Variants in PDLIM2 observed in about 807,000 individuals in gnomAD.
PDLIM2 encodes the protein PDZ and LIM domain 2, also known as PDZ and LIM domain protein 2.
In PDLIM2, 51 loss-of-function variants were observed where a neutral mutation model predicts 54.1. The ratio of observed to expected loss-of-function variants is 0.94; its 90% CI spans 0.75 to 1.19. The LOEUF (loss-of-function observed/expected upper bound fraction) is 1.19. Ranked by LOEUF, PDLIM2 falls within the 50% of genes most tolerant of loss-of-function variation. The pLI is 0.00. For synonymous variants in PDLIM2, 398 were observed against 385.6 expected, an observed-to-expected ratio of 1.03 and a Z score of -0.38; for missense variants, 912 against 874.0, an observed-to-expected ratio of 1.04 and a Z score of -0.55.
chr8:22,591,965 A>G (rs559807977), intron 9 of PDLIM2: 1 of 268,536 alleles, frequency 3.7e-6, no homozygotes, highest in Non-Finnish European at 6.9e-6. Flanking sequence ...GGTACAGCAC[A>G]TCCTCTTGGA....
chr8:22,583,876 A>T (rs973510902), intron 3 of PDLIM2, among the ~76,000 whole-genome samples: 2 of 141,396 alleles, frequency 1.4e-5, no homozygotes, highest in Non-Finnish European at 3.1e-5. Flanking sequence ...AAAAAAAAAA[A>T]AAAAAAAAGG....
downstream of PDLIM2, chr8:22,594,678 C>T (rs754297865): frequency 2.5e-6 from 4 of 1,596,034 alleles, no homozygotes; most frequent in African/African-American, 1.3e-5. Context: ...GGACCGGCCG[C>T]CCACCAAGGG....
chr8:22,579,106 G>C, exon 1 of PDLIM2: 2 of 1,272,792 alleles, frequency 1.6e-6, no homozygotes, highest in Non-Finnish European at 2.0e-6. Flanking sequence ...AGGCAGGTCC[G>C]GGAGCCCCGG....
At chr8:22,580,397 G>A (rs1049425027) in intron 1 of PDLIM2, 78 bp from the exon 1 acceptor site, 32 of 1,292,916 alleles carry the variant, frequency 2.5e-5, no homozygotes, top group Non-Finnish European at 3.1e-5. Flanking sequence ...GAACCCAGAA[G>A]CATGGCTTCC....
chr8:22,589,319 G>T, exon 7 of PDLIM2: 1 of 1,534,240 alleles, frequency 6.5e-7, no homozygotes. Flanking sequence ...CCGCGCTGGC[G>T]ACTCGGCGGT....
At chr8:22,594,774 G>A, downstream of PDLIM2, 4 of 1,414,988 alleles carry the variant, frequency 2.8e-6, no homozygotes, top group South Asian at 1.4e-5. Flanking sequence ...GATTGATTTG[G>A]AGGGGGGAAA....
chr8:22,587,053 G>A (rs959380665), intron 6 of PDLIM2, among the ~76,000 whole-genome samples: 1 of 152,174 alleles, frequency 6.6e-6, no homozygotes, highest in African/African-American at 2.4e-5. Context: ...TGATGACTCT[G>A]CTCATTCCTT....
exon 1 of PDLIM2, chr8:22,578,836 A>G: frequency 8.1e-7 from 1 of 1,234,316 alleles, no homozygotes; most frequent in Non-Finnish European, 1.0e-6. Context: ...TGCCCCCTCG[A>G]TCGTCTGCGA....
At chr8:22,597,844 G>C (rs1272612361), downstream of PDLIM2, 2 of 152,492 alleles carry the variant, frequency 1.3e-5, no homozygotes, top group African/African-American at 4.8e-5. Flanking sequence ...GTACTGTCTA[G>C]GAGGACTGGG....
At chr8:22,595,337 G>A (rs1292929621), downstream of PDLIM2, 1 of 152,226 alleles carries the variant, frequency 6.6e-6, no homozygotes, top group South Asian at 2.1e-4. Context: ...GCTGTCTGGC[G>A]CGGGACTCCA....
At chr8:22,588,181 T>C (rs1239504066) in intron 6 of PDLIM2, 1 of 152,328 alleles carries the variant, frequency 6.6e-6, no homozygotes, top group African/African-American at 2.4e-5. Context: ...TTTGCCCTTC[T>C]GACCTGCAGT....
chr8:22,588,918 C>T (rs190925275), intron 6 of PDLIM2: 4 of 313,546 alleles, frequency 1.3e-5, no homozygotes, highest in East Asian at 1.0e-4. Context: ...CTGCTGGTTC[C>T]GTGGGATCGG....
intron 3 of PDLIM2, 90 bp downstream of exon 2, chr8:22,581,620 G>C (rs1207674367): frequency 3.4e-6 from 5 of 1,458,656 alleles, no homozygotes; most frequent in African/African-American, 2.8e-5. Flanking sequence ...CCATGGGCTA[G>C]AGCTCAGCCC....
At chr8:22,593,633 A>C (rs1294439498) in intron 9 of PDLIM2, 100 bp from the exon 9 acceptor site, 5 of 906,314 alleles carry the variant, frequency 5.5e-6, no homozygotes, top group South Asian at 1.8e-5. Context: ...TTTGGGCTCC[A>C]CCCAGGTCCT....
At chr8:22,578,873 C>T in exon 1 of PDLIM2, 1 of 1,235,556 alleles carries the variant, frequency 8.1e-7, no homozygotes, top group African/African-American at 1.5e-5. Context: ...GTCCCTGGAC[C>T]GGCTCTGCTG....
At chr8:22,593,662 AG>A in intron 9 of PDLIM2, 70 bp from the exon 9 acceptor site, 1 of 1,403,428 alleles carries the variant, frequency 7.1e-7, no homozygotes, top group South Asian at 1.3e-5. Flanking sequence ...AGTGGGGACC[AG>A]GCCCCCTGGG....
At chr8:22,585,049 C>G in exon 5 of PDLIM2, 2 of 1,614,050 alleles carry the variant, frequency 1.2e-6, no homozygotes, top group Non-Finnish European at 1.7e-6. Context: ...AGAGTCAGTC[C>G]TCCTTAAGGT....
chr8:22,589,929 G>C lies in PDLIM2; in HGVS notation c.1513+188G>C, dbSNP rs555077081. 821 of 580,376 alleles carry C rather than the reference G, an allele frequency of 1.4e-3. 5 individuals are homozygous for C. In the African/African-American group the frequency reaches 0.015, roughly 10 times the overall value. 36.0% of individuals were successfully genotyped at this position (580,376 alleles called of 1,614,324 possible). A position where few individuals can be genotyped will look rare whatever the true frequency, so the allele number is the denominator to read the frequency against. On this transcript the variant is annotated intron_variant, in intron 8 of 9. Transcript: ENST00000308354. ...AGGAGCTGACGGTCCGGGAGGGTCC[G>C]GGAGGGTCACCAGCGTGCTCCCACA...
chr8:22,585,098 G>T (rs142634570), exon 5 of PDLIM2: 26 of 1,613,908 alleles, frequency 1.6e-5, no homozygotes, highest in Middle Eastern at 3.3e-4. Flanking sequence ...CCCGAGGGCC[G>T]GCAGCCCCTT....
Sources: gnomAD v4.1 joint callset for allele counts (sites outside exome capture counted in the v4.1 genomes callset) on GRCh38, gnomAD v4.1.1 for gene constraint, MANE v1.5 for transcripts, NCBI Gene and HGNC (gene_info 2026-07-23, HGNC 2026-07-21) for gene names.